Variants in OPCML observed in about 807,000 individuals in gnomAD.
OPCML encodes opioid binding protein/cell adhesion molecule like.
In OPCML, 13 loss-of-function variants were observed where a neutral mutation model predicts 37.8. The observed-to-expected ratio is 0.34, with a 90% CI of 0.22 to 0.55. The LOEUF (loss-of-function observed/expected upper bound fraction) is 0.55. Ranked by LOEUF, OPCML falls within the 20% of genes least tolerant of loss-of-function variation. The probability of loss-of-function intolerance (pLI) is 0.91; values close to 1 mark genes in which losing one functional copy is unlikely to be tolerated. For missense variants in OPCML, 341 were observed against 435.6 expected (o/e 0.78, Z 1.93); for synonymous variants, 176 against 168.8 (o/e 1.04, Z -0.33).
At chr11:132,456,567 C>T (rs1026593277) in intron 4 of OPCML, among the ~76,000 whole-genome samples, 1 of 152,128 alleles carries the variant, frequency 6.6e-6, no homozygotes, top group African/African-American at 2.4e-5. Context: ...CACATTAGCC[C>T]ATAATCCACA....
At chr11:133,008,874 C>T (rs1201095615) in intron 1 of OPCML, 1 of 985,278 alleles carries the variant, frequency 1.0e-6, no homozygotes, top group Non-Finnish European at 1.2e-6. Flanking sequence ...TGGAGCCCAA[C>T]CTAATATATC....
chr11:132,475,385 A>C (rs2096151833), intron 4 of OPCML, among the ~76,000 whole-genome samples: 1 of 152,222 alleles, frequency 6.6e-6, no homozygotes, highest in South Asian at 2.1e-4. Context: ...CTATGGGCTG[A>C]ACTGTAACTG....
At chr11:133,006,964 T>G (rs1947125481) in intron 1 of OPCML, 1 of 985,334 alleles carries the variant, frequency 1.0e-6, no homozygotes, top group South Asian at 4.7e-5. Context: ...GTCTGCAAAA[T>G]ACCTGAACTG....
At chr11:133,169,591 G>T (rs1950260463) in intron 1 of OPCML, among the ~76,000 whole-genome samples, 2 of 152,148 alleles carry the variant, frequency 1.3e-5, no homozygotes, top group South Asian at 4.1e-4. Flanking sequence ...GCAAAAGCCT[G>T]GGATATAGAA....
chr11:133,076,059 G>A (rs191919111), intron 1 of OPCML, among the ~76,000 whole-genome samples: 1 of 152,086 alleles, frequency 6.6e-6, no homozygotes, highest in East Asian at 1.9e-4. Context: ...GACGCTGTAT[G>A]TTCTTCCATA....
chr11:133,363,275 C>T (rs1944463348), intron 1 of OPCML, among the ~76,000 whole-genome samples: 1 of 152,208 alleles, frequency 6.6e-6, no homozygotes, highest in African/African-American at 2.4e-5. Flanking sequence ...GTAGGAGCTT[C>T]CTGGGCAGAA....
intron 1 of OPCML, among the ~76,000 whole-genome samples, chr11:133,276,477 C>T (rs1036018997): frequency 4.6e-5 from 7 of 152,072 alleles, no homozygotes; most frequent in African/African-American, 1.7e-4. Context: ...CAGGAGGGAG[C>T]AAAACCTACC....
At chr11:132,741,821 GT>G (rs1377068428) in intron 2 of OPCML, among the ~76,000 whole-genome samples, 2 of 152,044 alleles carry the variant, frequency 1.3e-5, no homozygotes, top group Admixed American at 6.6e-5. Context: ...GAGCTCCGGA[GT>G]TTGAGACCAG....
chr11:133,328,782 A>T (rs1943542653), intron 1 of OPCML, among the ~76,000 whole-genome samples: 3 of 152,182 alleles, frequency 2.0e-5, no homozygotes, highest in African/African-American at 7.2e-5. Flanking sequence ...CAAGACAGGG[A>T]TGCCCTCTCT....
intron 3 of OPCML, among the ~76,000 whole-genome samples, chr11:132,574,026 T>C (rs2096444242): frequency 6.6e-6 from 1 of 151,964 alleles, no homozygotes; most frequent in Non-Finnish European, 1.5e-5. Context: ...TTGTTCATAG[T>C]AGTCTTTCAT....
chr11:133,042,865 G>A lies in OPCML; in HGVS notation c.62-99855C>T, dbSNP rs549686063. 5.7e-4 allele frequency among the ~76,000 whole-genome samples: 87 copies of A among 152,206 alleles called. No individual in the cohort carries two copies. In the South Asian group the frequency reaches 0.013, roughly 22 times the overall value. On this transcript the variant is annotated intron_variant, in intron 1 of 7. Coordinates refer to ENST00000524381, the MANE Select transcript of OPCML (RefSeq NM_001012393.5). ...ATTTAATGTTGAAGACACCCGAGAC[G>A]CCTCCTCTATTTTTGGCATCAACCT...
chr11:133,454,448 G>C (rs537896783), intron 1 of OPCML, among the ~76,000 whole-genome samples: 1 of 152,110 alleles, frequency 6.6e-6, no homozygotes, highest in Non-Finnish European at 1.5e-5. Context: ...CCCCCCGTCC[G>C]AAGTGCTTAG....
At chr11:132,522,884 C>T (rs1435603335) in intron 4 of OPCML, among the ~76,000 whole-genome samples, 1 of 152,210 alleles carries the variant, frequency 6.6e-6, no homozygotes, top group Admixed American at 6.5e-5. Flanking sequence ...AAAACTTTCT[C>T]TTTAGGAATT....
intron 3 of OPCML, among the ~76,000 whole-genome samples, chr11:132,602,003 TC>T (rs1446985421): frequency 6.6e-6 from 1 of 152,114 alleles, no homozygotes; most frequent in Non-Finnish European, 1.5e-5. Flanking sequence ...TCATGTCTGC[TC>T]AAAAAGACAC....
intron 4 of OPCML, among the ~76,000 whole-genome samples, chr11:132,479,512 T>C (rs1287727340): frequency 1.3e-5 from 2 of 152,140 alleles, no homozygotes. Flanking sequence ...TCGAACTGGG[T>C]GGAGCCCACC....
At position 133,044,787 on chromosome 11, in the gene OPCML, G is replaced by A. The variant is rs575867969; in HGVS notation, c.62-101777C>T. On this transcript the variant is annotated intron_variant, in intron 1 of 7. Coordinates refer to ENST00000524381, the MANE Select transcript of OPCML (RefSeq NM_001012393.5). The stretch of plus-strand genomic sequence containing the variant: ...TGGGAGCCTGTGCTCTTGGAAGTCC[G>A]TTCCGTACAGGGGAGCATACAGAAC... 1.6e-3 allele frequency among the ~76,000 whole-genome samples: 245 copies of A among 152,246 alleles called. 1 individual carries two copies. Among genetic ancestry groups the A allele is most frequent in the African/African-American group, 5.5e-3 (228 of 41,548 alleles).
chr11:133,027,227 G>C (rs1347998874), intron 1 of OPCML, among the ~76,000 whole-genome samples: 1 of 152,216 alleles, frequency 6.6e-6, no homozygotes, highest in Non-Finnish European at 1.5e-5. Context: ...TGAGATGGTT[G>C]GTTACCACCA....
intron 1 of OPCML, among the ~76,000 whole-genome samples, chr11:133,092,501 C>A (rs900246917): frequency 4.6e-5 from 7 of 151,924 alleles, no homozygotes; most frequent in African/African-American, 1.7e-4. Context: ...CTGAGGCGGG[C>A]AGATCATGAG....
intron 1 of OPCML, among the ~76,000 whole-genome samples, chr11:133,038,295 G>A (rs1311551197): frequency 3.3e-5 from 5 of 152,154 alleles, no homozygotes; most frequent in African/African-American, 2.4e-5. Context: ...CTTATAGCTC[G>A]GGTGGGACAC....
Sources: allele counts gnomAD v4.1 joint callset (sites outside exome capture counted in the v4.1 genomes callset), GRCh38; gene constraint gnomAD v4.1.1; transcripts MANE v1.5; gene names NCBI Gene and HGNC (gene_info 2026-07-23, HGNC 2026-07-21).